The following IGFN1 variants were observed in gnomAD, a reference collection of about 807,000 sequenced individuals.
The protein encoded by IGFN1 is immunoglobulin-like and fibronectin type III domain-containing protein 1.
Under a neutral mutation model 289.5 loss-of-function variants are expected in IGFN1, and 253 were observed. That is an observed-to-expected ratio of 0.87 (90% CI 0.79 to 0.97). The LOEUF (loss-of-function observed/expected upper bound fraction) is 0.97, where lower values mean the gene tolerates loss of function less well. IGFN1 is among the 50% of genes least tolerant of loss of function. The pLI, the probability that IGFN1 is intolerant of heterozygous loss-of-function variation, is 0.00. For missense variants in IGFN1, 4,470 were observed against 4,686.1 expected, an observed-to-expected ratio of 0.95 and a Z score of 1.35; for synonymous variants, 1,706 against 1,788.5, an observed-to-expected ratio of 0.95 and a Z score of 1.16.
In IGFN1 at chr1:201,210,834, A is replaced by C; in HGVS notation, c.5941A>C (p.Arg1981=). The C allele has an allele frequency of 6.5e-7, 1 of 1,533,474 alleles. No individual in the cohort carries two copies. Among genetic ancestry groups the C allele is most frequent in the Non-Finnish European group, 8.7e-7 (1 of 1,146,004 alleles). The allele number at this position is 1,533,474 out of a possible 1,614,324, so 95.0% of individuals were successfully genotyped here. The change falls in exon 12 of 24, where the codon AGG becomes CGG. Residue 1981 remains arginine (R), a synonymous_variant. Coordinates refer to ENST00000335211, the MANE Select transcript of IGFN1 (RefSeq NM_001164586.2). Reference sequence around the variant, plus strand: ...GGGTTCAGGGAGTAAGGAAGGTTTCAGGGATGGTTTAGGGGGTTCTGAGGA... The same window carrying C: ...GGGTTCAGGGAGTAAGGAAGGTTTCCGGGATGGTTTAGGGGGTTCTGAGGA... ...GMGSGSKEGF[R]DGLGGSEEMG...
intron 1 of IGFN1, among the ~76,000 whole-genome samples, chr1:201,192,794 T>C (rs1445395312): frequency 6.6e-6 from 1 of 152,068 alleles, no homozygotes; most frequent in Admixed American, 6.6e-5. Context: ...CCAAAGCCAA[T>C]GGGGCAAGCT....
chr1:201,207,177 G>A lies in IGFN1; in HGVS notation c.2284G>A (p.Gly762Arg). Residue 762 changes from glycine (G) to arginine (R), a missense_variant, in exon 12 of 24, where the codon GGG (glycine) becomes AGG (arginine). Physicochemically the swap from Gly to Arg is moderately radical, Grantham distance 125. Transcript: ENST00000335211. ...SLQEADGICR[G>R]ESVVTGSAYK... is the part of the protein sequence containing the mutation. The stretch of plus-strand genomic sequence containing the variant: ...GCAGGAGGCAGATGGTATATGCCGG[G>A]GGGAGTCTGTAGTTACAGGAAGTGC... The A allele has an allele frequency of 6.5e-7, 1 of 1,536,964 alleles. No individual in the cohort carries two copies. Among genetic ancestry groups the A allele is most frequent in the Non-Finnish European group, 8.7e-7 (1 of 1,146,860 alleles).
intron 13 of IGFN1, 77 bp downstream of exon 13, chr1:201,214,378 G>A (rs1166356510): frequency 2.1e-6 from 3 of 1,423,706 alleles, no homozygotes; most frequent in African/African-American, 2.9e-5. Flanking sequence ...GAGCGTAGAG[G>A]CTTTGAAAGA....
At chr1:201,219,707 G>T (rs542666240) in intron 18 of IGFN1, among the ~76,000 whole-genome samples, 3 of 152,374 alleles carry the variant, frequency 2.0e-5, no homozygotes, top group South Asian at 4.1e-4. Context: ...GTGCCCCACA[G>T]GGCCCAGCCC....
At position 201,215,173 on chromosome 1, in the gene IGFN1, C is replaced by T; in HGVS notation, c.8995+19C>T. 3 of 1,608,600 alleles carry T rather than the reference C, an allele frequency of 1.9e-6. No individual in the cohort carries two copies. The South Asian group carries it at 3.3e-5, about 18-fold the overall frequency. ...GTCCAGGGTAAGGCCCAGCCCTGCC[C>T]TGCCCTGCCCTGTCCTGTCCCACAG... On this transcript the variant is annotated intron_variant, in intron 14 of 23. Transcript: ENST00000335211.
rs1005625904 is a variant in IGFN1, at chr1:201,208,540, A to T, written c.3647A>T (p.Asp1216Val). The T allele has an allele frequency of 6.8e-6, 10 of 1,460,798 alleles. No homozygotes were observed. Among genetic ancestry groups the T allele is most frequent in the African/African-American group, 1.4e-5 (1 of 70,052 alleles). The allele number at this position is 1,460,798 out of a possible 1,614,324, so 90.5% of individuals were successfully genotyped here. ...GCTGGCAATGTGCTGGGTTATGAGG[A>T]TGGATCAGAACTTCCAGGGCCTCAG... is the stretch of plus-strand genomic sequence containing the variant. ...YGAGNVLGYE[D>V]GSELPGPQGT... is the part of the protein sequence containing the mutation. Residue 1216 changes from aspartate to valine, a missense_variant, in exon 12 of 24, where the codon GAT becomes GTT. Asp to Val is a radical substitution (Grantham distance 152). Around this residue, in one of 8 missense-constraint regions of IGFN1, gnomAD observed 2,011 missense variants for 1,953.4 expected, o/e 1.03. Coordinates refer to ENST00000335211, the MANE Select transcript of IGFN1 (RefSeq NM_001164586.2).
chr1:201,197,986 A>G (rs542281793), intron 5 of IGFN1, among the ~76,000 whole-genome samples: 4 of 152,298 alleles, frequency 2.6e-5, no homozygotes, highest in African/African-American at 9.6e-5. Flanking sequence ...CGGAGAGCTG[A>G]TTCCTTCGTT....
intron 5 of IGFN1, 107 bp from the exon 6 acceptor site, chr1:201,199,227 G>A: frequency 3.2e-6 from 3 of 944,478 alleles, no homozygotes; most frequent in Admixed American, 4.0e-5. Context: ...AGTGGGGAGA[G>A]CAGGGCTCTG....
At position 201,212,092 on chromosome 1, in the gene IGFN1, C is replaced by A; in HGVS notation, c.7199C>A (p.Thr2400Lys). The change falls in exon 12 of 24, where the codon ACG becomes AAG. Residue 2400 changes from threonine to lysine, a missense_variant. Physicochemically the swap from Thr to Lys is moderately conservative, Grantham distance 78. Coordinates refer to ENST00000335211, the MANE Select transcript of IGFN1 (RefSeq NM_001164586.2). ...TATTGGGTAGCATCAGAGGGTGACA[C>A]GAACTCCAAGGATGGTCCAGAGCGA... ...SGYWVASEGD[T>K]NSKDGPERAR... 6.5e-7 allele frequency: 1 copy of A among 1,536,350 alleles called. No homozygotes were observed. The highest frequency in any genetic ancestry group is 1.2e-5 in the South Asian group (1 of 84,046).
In IGFN1 at chr1:201,207,868, G is replaced by T; in HGVS notation, c.2975G>T (p.Arg992Ile). The change falls in exon 12 of 24, where the codon AGA becomes ATA. Residue 992 changes from arginine (R) to isoleucine (I), a missense_variant. Around this residue, in one of 8 missense-constraint regions of IGFN1, gnomAD observed 2,011 missense variants for 1,953.4 expected, o/e 1.03. Transcript: ENST00000335211. ...EMGSGHGAGC[R>I]VSPRAPAGVE... ...GGGTCCGGCCATGGTGCTGGTTGTA[G>T]AGTTTCCCCTAGGGCACCTGCGGGA... 1 of 1,536,300 alleles carries T rather than the reference G, an allele frequency of 6.5e-7. No individual in the cohort carries two copies. Among genetic ancestry groups the T allele is most frequent in the Non-Finnish European group, 8.7e-7 (1 of 1,146,362 alleles).
Position 201,207,423 on chromosome 1 carries a change from C to T in IGFN1, c.2530C>T (p.Pro844Ser). 6.5e-7 allele frequency: 1 copy of T among 1,529,898 alleles called. No homozygotes were observed. The highest frequency in any genetic ancestry group is 1.2e-5 in the South Asian group (1 of 83,062). The allele number at this position is 1,529,898 out of a possible 1,614,324, so 94.8% of individuals were successfully genotyped here. ...GGGCACAAGTCCTTGGGATGACACA[C>T]CATCTAGCCTCAGAAAAACTGGGGC... ...SKGTSPWDDTPSSLRKTGAHH... is the reference protein window; with the variant it reads ...SKGTSPWDDTSSSLRKTGAHH... Residue 844 changes from proline (P) to serine (S), a missense_variant, in exon 12 of 24, where the codon CCA becomes TCA. Pro to Ser is a moderately conservative substitution (Grantham distance 74, BLOSUM62 -1). Around this residue, in one of 8 missense-constraint regions of IGFN1, gnomAD observed 2,011 missense variants for 1,953.4 expected, o/e 1.03. Transcript: ENST00000335211.
chr1:201,226,663 C>T (rs1475025396), intron 22 of IGFN1, among the ~76,000 whole-genome samples: 1 of 151,726 alleles, frequency 6.6e-6, no homozygotes, highest in East Asian at 1.9e-4. Flanking sequence ...TAATTGTCCA[C>T]AGTGAATGTG....
rs1426301048 is a variant in IGFN1 at position 201,195,855 on chromosome 1, T to A, written c.144T>A (p.Phe48Leu). Residue 48 changes from phenylalanine to leucine, a missense_variant, in exon 4 of 24, where the codon TTT becomes TTA. Transcript: ENST00000335211. Reference protein sequence around the residue: ...SALPEGKNAVFRAVVCGEPRP... With the variant: ...SALPEGKNAVLRAVVCGEPRP... ...CTGCTGCAGGGAAAAATGCTGTCTT[T>A]CGGGCTGTGGTCTGTGGGGAGCCCA... 1 of 1,551,574 alleles carries A rather than the reference T, an allele frequency of 6.4e-7. No individual in the cohort carries two copies. The highest frequency in any genetic ancestry group is 1.2e-5 in the South Asian group (1 of 84,022).
chr1:201,200,824 ATTTC>A (rs1336626340), intron 8 of IGFN1, among the ~76,000 whole-genome samples: 5 of 117,166 alleles, frequency 4.3e-5, no homozygotes, highest in East Asian at 2.5e-4. Context: ...TACCTGGTTT[ATTTC>A]TTTCTTTTTT....
intron 23 of IGFN1, among the ~76,000 whole-genome samples, chr1:201,227,929 C>T (rs1248947948): frequency 6.6e-6 from 1 of 152,208 alleles, no homozygotes; most frequent in Non-Finnish European, 1.5e-5. Flanking sequence ...CTGATTCTCT[C>T]ATTGGTAGTC....
intron 2 of IGFN1, among the ~76,000 whole-genome samples, chr1:201,193,685 C>T (rs1666761382): frequency 6.6e-6 from 1 of 152,180 alleles, no homozygotes; most frequent in South Asian, 2.1e-4. Context: ...TGCCTGACCT[C>T]AGGTGATCTG....
rs755525094 is a variant in IGFN1, at chr1:201,221,655, G to C, written c.10110G>C (p.Glu3370Asp). Residue 3370 changes from glutamate (E) to aspartate (D), a missense_variant, in exon 19 of 24, where the codon GAG (glutamate) becomes GAC (aspartate). Physicochemically the swap from Glu to Asp is conservative, Grantham distance 45 (BLOSUM62 2). Transcript: ENST00000335211. Reference protein sequence around the residue: ...TYTAKGLRPGEGYFVRVTAVN... With the variant: ...TYTAKGLRPGDGYFVRVTAVN... ...CGGCCAAGGGGCTTCGGCCTGGAGA[G>C]GGCTACTTCGTGCGGGTGACAGCAG... The C allele has an allele frequency of 6.8e-6, 11 of 1,614,220 alleles. No individual in the cohort carries two copies. Among genetic ancestry groups the C allele is most frequent in the Non-Finnish European group, 9.3e-6 (11 of 1,180,030 alleles).
Position 201,195,943 on chromosome 1 carries a change from T to A in IGFN1, c.232T>A (p.Ser78Thr). 1.3e-6 allele frequency: 2 copies of A among 1,551,848 alleles called. No homozygotes were observed. The highest frequency in any genetic ancestry group is 2.4e-5 in the South Asian group (2 of 84,038). ...DLSDSSKYKI[S>T]SSPGSKEHVL... is the part of the protein sequence containing the mutation. ...CAGTGATTCCAGCAAGTACAAGATC[T>A]CCTCCAGCCCTGGCAGCAAGGAGCA... Residue 78 changes from serine (S) to threonine (T), a missense_variant, in exon 4 of 24, where the codon TCC becomes ACC. Physicochemically the swap from Ser to Thr is moderately conservative, Grantham distance 58. Coordinates refer to ENST00000335211, the MANE Select transcript of IGFN1 (RefSeq NM_001164586.2).
intron 3 of IGFN1, among the ~76,000 whole-genome samples, chr1:201,195,335 A>G (rs561844096): frequency 2.0e-5 from 3 of 152,090 alleles, no homozygotes; most frequent in Non-Finnish European, 4.4e-5. Context: ...TATTTTTAAT[A>G]GAGATGGGGT....
Sources: allele counts gnomAD v4.1 joint callset (sites outside exome capture counted in the v4.1 genomes callset), GRCh38; gene constraint gnomAD v4.1.1; regional missense constraint gnomAD v4.1.1; transcripts MANE v1.5; gene names NCBI Gene and HGNC (gene_info 2026-07-23, HGNC 2026-07-21).